Variants in CHST11 observed in about 807,000 individuals in gnomAD.
CHST11 encodes carbohydrate sulfotransferase 11, also known as C4S-1.
A neutral mutation model predicts 30.4 loss-of-function variants in CHST11; 9 were observed. That is an observed-to-expected ratio of 0.30 (90% CI 0.18 to 0.52). The LOEUF (loss-of-function observed/expected upper bound fraction) is 0.52. Among genes scored for constraint, CHST11 ranks in the 20% least tolerant of loss-of-function variants. CHST11 has a pLI of 0.97. For synonymous variants in CHST11, 152 were observed against 187.8 expected (o/e 0.81, Z 1.56); for missense variants, 348 against 460.6 (o/e 0.76, Z 2.24).
intron 1 of CHST11, among the ~76,000 whole-genome samples, chr12:104,509,721 A>G (rs554095789): frequency 5.9e-5 from 9 of 152,238 alleles, no homozygotes; most frequent in Non-Finnish European, 1.3e-4. Context: ...ATTGGAATTC[A>G]TGGATAGGCA....
intron 2 of CHST11, among the ~76,000 whole-genome samples, chr12:104,720,175 G>A (rs543613976): frequency 6.6e-6 from 1 of 152,370 alleles, no homozygotes; most frequent in East Asian, 1.9e-4. Flanking sequence ...CCTGCAGGCA[G>A]GACAGCTCCC....
Position 104,757,400 on chromosome 12 carries a change from G to A in CHST11, c.656G>A (p.Arg219His), listed in dbSNP as rs766906152. 5.6e-6 allele frequency: 9 copies of A among 1,614,092 alleles called. No homozygotes were observed. Among genetic ancestry groups the A allele is most frequent in the South Asian group, 4.4e-5 (4 of 91,078 alleles). The change falls in exon 3 of 3, where the codon CGC becomes CAC. Residue 219 changes from arginine to histidine, a missense_variant. Physicochemically the swap from Arg to His is conservative, Grantham distance 29 (BLOSUM62 0). Transcript: ENST00000303694. This position sits in a 1 kb window ranked among gnomAD's most constrained non-coding sequence, Gnocchi z 6.5. Reference protein sequence around the residue: ...HKRYGTKIIKRQRKNATQEAL... With the variant: ...HKRYGTKIIKHQRKNATQEAL... Reference sequence around the variant, plus strand: ...CGGTACGGCACCAAGATCATCAAACGCCAGCGGAAGAACGCCACCCAGGAG... The same window carrying A: ...CGGTACGGCACCAAGATCATCAAACACCAGCGGAAGAACGCCACCCAGGAG...
intron 2 of CHST11, among the ~76,000 whole-genome samples, chr12:104,664,651 C>G (rs1366889533): frequency 6.6e-6 from 1 of 152,222 alleles, no homozygotes; most frequent in Non-Finnish European, 1.5e-5. Flanking sequence ...GCCCCAGTCC[C>G]CTCCTCGGAC....
intron 2 of CHST11, among the ~76,000 whole-genome samples, chr12:104,651,363 A>T (rs2039488037): frequency 6.6e-6 from 1 of 152,230 alleles, no homozygotes; most frequent in Admixed American, 6.5e-5. Flanking sequence ...GGATGCATAT[A>T]ATGTAATTAA....
chr12:104,604,145 T>C lies in CHST11; in HGVS notation c.204+2154T>C, dbSNP rs116377931. Among the ~76,000 whole-genome samples the C allele has an allele frequency of 3.8e-3, 584 of 152,248 alleles. 2 individuals are homozygous for C. The highest frequency in any genetic ancestry group is 0.013 in the African/African-American group (560 of 41,542). ...GCTTGGTCCCATTGTAAACCAGTCA[T>C]AGAAGAGATGCCTGTCCTGGGTAGG... is the stretch of plus-strand genomic sequence containing the variant. On this transcript the variant is annotated intron_variant, in intron 2 of 2. Transcript: ENST00000303694.
chr12:104,749,243 G>A (rs537602548), intron 2 of CHST11, among the ~76,000 whole-genome samples: 1 of 152,150 alleles, frequency 6.6e-6, no homozygotes, highest in African/African-American at 2.4e-5. Context: ...CGAGTCCTTT[G>A]AAATCTTGTG....
intron 1 of CHST11, among the ~76,000 whole-genome samples, chr12:104,481,974 A>G (rs2037628018): frequency 6.6e-6 from 1 of 151,090 alleles, no homozygotes; most frequent in African/African-American, 2.4e-5. Flanking sequence ...AGTAGCTGGG[A>G]TTACAGGAAC....
At chr12:104,470,122 A>G (rs79590826) in intron 1 of CHST11, among the ~76,000 whole-genome samples, 4 of 152,210 alleles carry the variant, frequency 2.6e-5, no homozygotes, top group Admixed American at 2.0e-4. Context: ...GCTGTTAAAC[A>G]TCCTACAATG....
chr12:104,500,452 G>A (rs947809103), intron 1 of CHST11, among the ~76,000 whole-genome samples: 1 of 152,180 alleles, frequency 6.6e-6, no homozygotes, highest in African/African-American at 2.4e-5. Flanking sequence ...AGAAATGAAC[G>A]AGCAAGGAAG....
intron 1 of CHST11, among the ~76,000 whole-genome samples, chr12:104,492,396 A>C (rs1036447361): frequency 1.3e-5 from 2 of 152,144 alleles, no homozygotes; most frequent in South Asian, 2.1e-4. Flanking sequence ...TCACTCTCTG[A>C]AAATTAGCTT....
At chr12:104,695,395 C>T (rs2039934753) in intron 2 of CHST11, among the ~76,000 whole-genome samples, 1 of 152,138 alleles carries the variant, frequency 6.6e-6, no homozygotes, top group South Asian at 2.1e-4. Context: ...TTAGATGACA[C>T]TGTCTGTGAA....
intron 2 of CHST11, among the ~76,000 whole-genome samples, chr12:104,723,458 G>C (rs1028748699): frequency 1.3e-5 from 2 of 152,206 alleles, no homozygotes; most frequent in African/African-American, 2.4e-5. Context: ...GCAGTGAAGT[G>C]AGAATTTGCG....
intron 1 of CHST11, among the ~76,000 whole-genome samples, chr12:104,566,072 G>A (rs1302752941): frequency 1.3e-5 from 2 of 152,224 alleles, no homozygotes; most frequent in Non-Finnish European, 2.9e-5. Flanking sequence ...GCCTTCTGGA[G>A]TATGTCCAGG....
intron 2 of CHST11, among the ~76,000 whole-genome samples, chr12:104,634,521 G>A (rs1468426439): frequency 6.6e-6 from 1 of 152,198 alleles, no homozygotes; most frequent in Non-Finnish European, 1.5e-5. Flanking sequence ...TTTGCCACGT[G>A]CCCGACACGT....
intron 2 of CHST11, among the ~76,000 whole-genome samples, chr12:104,756,021 T>C (rs1279045541): frequency 6.6e-6 from 1 of 152,196 alleles, no homozygotes; most frequent in Non-Finnish European, 1.5e-5. Context: ...GGGGGCTTGG[T>C]TCCTGGGGCA....
chr12:104,464,600 C>T (rs1469670578), intron 1 of CHST11, among the ~76,000 whole-genome samples: 1 of 152,118 alleles, frequency 6.6e-6, no homozygotes, highest in Non-Finnish European at 1.5e-5. Flanking sequence ...AACTCCTGGG[C>T]TCAAGGGATC....
chr12:104,610,089 G>GTGTGTGTC (rs1333277383), intron 2 of CHST11, among the ~76,000 whole-genome samples: 2 of 107,958 alleles, frequency 1.9e-5, no homozygotes, highest in African/African-American at 7.3e-5. Context: ...GTGTGTGTGT[G>GTGTGTGTC]TGTGTGTCTG....
intron 2 of CHST11, among the ~76,000 whole-genome samples, chr12:104,658,505 T>G (rs1436857368): frequency 6.6e-6 from 1 of 152,234 alleles, no homozygotes; most frequent in Non-Finnish European, 1.5e-5. Context: ...TCTGAACGAC[T>G]GGGGGTTAGT....
chr12:104,485,585 T>C (rs1334442551), intron 1 of CHST11, among the ~76,000 whole-genome samples: 1 of 147,388 alleles, frequency 6.8e-6, no homozygotes, highest in Non-Finnish European at 1.5e-5. Flanking sequence ...AATGTCTGTG[T>C]GCAGTTGTGA....
Sources: allele counts gnomAD v4.1 joint callset (sites outside exome capture counted in the v4.1 genomes callset), GRCh38; gene constraint gnomAD v4.1.1; non-coding constraint Gnocchi (gnomAD v3.1); transcripts MANE v1.5; gene names NCBI Gene and HGNC (gene_info 2026-07-23, HGNC 2026-07-21).